The following ITGA2B variants were observed in gnomAD, a reference collection of about 807,000 sequenced individuals.
ITGA2B encodes integrin subunit alpha 2b.
ITGA2B carries 91 observed loss-of-function variants against 142.0 expected under a neutral mutation model. That is an observed-to-expected ratio of 0.64 (90% CI 0.54 to 0.76). The LOEUF is 0.76. Ranked by LOEUF, ITGA2B falls within the 30% of genes least tolerant of loss-of-function variation. ITGA2B has a pLI of 0.00. For synonymous variants in ITGA2B, 536 were observed against 567.2 expected, an observed-to-expected ratio of 0.94 and a Z score of 0.78; for missense variants, 1,231 against 1,350.8, an observed-to-expected ratio of 0.91 and a Z score of 1.39.
At position 44,378,723 on chromosome 17, in the gene ITGA2B, A is replaced by ATTGGGGTGTGCGGGTAAG. The variant is rs2048567730; in HGVS notation, c.1879-31_1879-14dup. 1.3e-6 allele frequency: 2 copies of ATTGGGGTGTGCGGGTAAG among 1,553,748 alleles called. No homozygotes were observed. The highest frequency in any genetic ancestry group is 3.9e-5 in the Admixed American group (2 of 51,142). On this transcript the variant is annotated splice_polypyrimidine_tract_variant and intron_variant, in intron 18 of 29. Coordinates refer to ENST00000262407, the MANE Select transcript of ITGA2B (RefSeq NM_000419.5). Reference sequence around the variant, plus strand: ...GGACGATTCGTGTCTAGAGGGGCACATTGGGGTGTGCGGGTAAGTTGGGGA... The same window carrying ATTGGGGTGTGCGGGTAAG: ...GGACGATTCGTGTCTAGAGGGGCACATTGGGGTGTGCGGGTAAGTTGGGGTGTGCGGGTAAGTTGGGGA...
At chr17:44,376,439 ACTTT>A in intron 22 of ITGA2B, 51 bp from the exon 23 acceptor site, 2 of 1,579,130 alleles carry the variant, frequency 1.3e-6, no homozygotes, top group Non-Finnish European at 8.7e-7. Flanking sequence ...CAGCCCAGTG[ACTTT>A]CTGGGGGTGA....
chr17:44,377,700 G>A lies in ITGA2B; in HGVS notation c.2185C>T (p.Gln729Ter), dbSNP rs1567899968. 6.2e-7 allele frequency: 1 copy of A among 1,612,438 alleles called. No individual in the cohort carries two copies. Among genetic ancestry groups the A allele is most frequent in the Non-Finnish European group, 8.5e-7 (1 of 1,179,182 alleles). The change falls in exon 21 of 30, where the codon CAG (glutamine) becomes TAG (stop). Residue 729 changes from glutamine to a stop codon, truncating the protein, a stop_gained and splice_region_variant. Transcript: ENST00000262407. LOFTEE classifies it high-confidence loss of function. Reference sequence around the variant, plus strand: ...GTACCACGACCCAGCAGCCTCACCTGGGCGTTCTTCTTCATGGGGTTGCCC... The same window carrying A: ...GTACCACGACCCAGCAGCCTCACCTAGGCGTTCTTCTTCATGGGGTTGCCC... Reference protein sequence around the residue: ...ELGNPMKKNAQIGIAMLVSVG... With the variant: ...ELGNPMKKNA
Position 44,379,376 on chromosome 17 carries a change from G to A in ITGA2B, c.1878+313C>T, listed in dbSNP as rs530128137. ...AGTGATTCTCCTGCTTCAGCCTCCC[G>A]AGTAGCTGGAATTACAGGCATGCGT... On this transcript the variant is annotated intron_variant, in intron 18 of 29. Coordinates refer to ENST00000262407, the MANE Select transcript of ITGA2B (RefSeq NM_000419.5). 4.0e-5 allele frequency among the ~76,000 whole-genome samples: 6 copies of A among 151,308 alleles called. No homozygotes were observed. The South Asian group carries it at 1.3e-3, about 32-fold the overall frequency.
chr17:44,388,768 C>G (rs1192078486), intron 1 of ITGA2B, among the ~76,000 whole-genome samples: 1 of 151,616 alleles, frequency 6.6e-6, no homozygotes, highest in Non-Finnish European at 1.5e-5. Flanking sequence ...CTGCCCACCT[C>G]TGCCTCCCAA....
At chr17:44,379,403 A>C (rs1292671876) in intron 18 of ITGA2B, among the ~76,000 whole-genome samples, 2 of 151,814 alleles carry the variant, frequency 1.3e-5, no homozygotes, top group Non-Finnish European at 2.9e-5. Flanking sequence ...GGCATGCGTC[A>C]CCACACCCGG....
In ITGA2B at chr17:44,385,540, C is replaced by G; in HGVS notation, c.574+11G>C. On this transcript the variant is annotated intron_variant, in intron 4 of 29. Coordinates refer to ENST00000262407, the MANE Select transcript of ITGA2B (RefSeq NM_000419.5). ...GCGAGTGGGCGGGGCCAGGTCGTAG[C>G]TGGCGCTTACTAAAATCATTTTCCA... is the stretch of plus-strand genomic sequence containing the variant. The G allele has an allele frequency of 6.4e-7, 1 of 1,552,366 alleles. No homozygotes were observed. The highest frequency in any genetic ancestry group is 8.7e-7 in the Non-Finnish European group (1 of 1,154,560).
chr17:44,385,739 G>A (rs1278375924), intron 3 of ITGA2B, 23 bp from the exon 4 acceptor site: 1 of 1,613,370 alleles, frequency 6.2e-7, no homozygotes, highest in African/African-American at 1.3e-5. Flanking sequence ...CACAGGAGTG[G>A]GGACGGGCGC....
intron 27 of ITGA2B, 22 bp downstream of exon 27, chr17:44,374,976 G>A (rs1168412568): frequency 3.6e-6 from 2 of 549,484 alleles, no homozygotes; most frequent in Admixed American, 3.4e-5. Context: ...GCCCGGCCCC[G>A]CCCCACCACG....
rs780786843 is a variant in ITGA2B at position 44,381,038 on chromosome 17, C to G, written c.1234G>C (p.Gly412Arg). 1.2e-6 allele frequency: 2 copies of G among 1,613,390 alleles called. No individual in the cohort carries two copies. The highest frequency in any genetic ancestry group is 1.7e-6 in the Non-Finnish European group (2 of 1,179,648). Residue 412 changes from glycine (G) to arginine (R), a missense_variant, in exon 13 of 30, where the codon GGG becomes CGG. Around this residue, in one of 3 missense-constraint regions of ITGA2B, gnomAD observed 908 missense variants for 1,021.1 expected, o/e 0.89. Coordinates refer to ENST00000262407, the MANE Select transcript of ITGA2B (RefSeq NM_000419.5). ...ACTTGGCCCCGGCCACTGGGACCCC[C>G]GTAGGGGGCAGCCACTGCAATGTCT... is the stretch of plus-strand genomic sequence containing the variant. ...YNDIAVAAPY[G>R]GPSGRGQVLV... is the part of the protein sequence containing the mutation.
chr17:44,386,614 C>G (rs900799083), intron 1 of ITGA2B, among the ~76,000 whole-genome samples: 1 of 152,084 alleles, frequency 6.6e-6, no homozygotes, highest in Non-Finnish European at 1.5e-5. Flanking sequence ...CCTAGCAGAT[C>G]TAGGTTTAAA....
chr17:44,388,137 C>T (rs189358437), intron 1 of ITGA2B, among the ~76,000 whole-genome samples: 4 of 152,154 alleles, frequency 2.6e-5, no homozygotes, highest in East Asian at 1.9e-4. Context: ...TCAGGGTACA[C>T]GCTATGAAGA....
chr17:44,389,136 C>G (rs757072582), intron 1 of ITGA2B, 150 bp downstream of exon 1: 6 of 916,458 alleles, frequency 6.5e-6, no homozygotes, highest in Non-Finnish European at 1.1e-5. Context: ...CCCCTGGACC[C>G]CAACATTCTT....
intron 17 of ITGA2B, 57 bp from the exon 18 acceptor site, chr17:44,379,871 T>G (rs1341166617): frequency 6.2e-7 from 1 of 1,613,078 alleles, no homozygotes; most frequent in Admixed American, 1.7e-5. Flanking sequence ...CACCTTCTCC[T>G]GGCCAGTAGG....
chr17:44,374,295 A>C (rs2143426538), intron 29 of ITGA2B, 59 bp downstream of exon 29: 1 of 1,467,592 alleles, frequency 6.8e-7, no homozygotes, highest in East Asian at 2.3e-5. Flanking sequence ...ACTCCCTGTG[A>C]GGCAGGGCAG....
chr17:44,373,027 G>A (rs982897763), intron 29 of ITGA2B, among the ~76,000 whole-genome samples: 2 of 152,138 alleles, frequency 1.3e-5, no homozygotes, highest in Admixed American at 6.5e-5. Flanking sequence ...CTACAGGTGT[G>A]GACTACCACA....
intron 27 of ITGA2B, 28 bp from the exon 28 acceptor site, chr17:44,374,788 T>C (rs779136732): frequency 1.3e-6 from 2 of 1,592,474 alleles, no homozygotes; most frequent in Non-Finnish European, 1.7e-6. Flanking sequence ...GAAAGCCGTT[T>C]ACACCCACAA....
intron 12 of ITGA2B, among the ~76,000 whole-genome samples, chr17:44,382,453 A>G (rs2048605293): frequency 1.3e-5 from 2 of 151,840 alleles, no homozygotes; most frequent in African/African-American, 4.8e-5. Context: ...GAATCAATTT[A>G]TGTCACTGTC....
intron 29 of ITGA2B, 41 bp downstream of exon 29, chr17:44,374,313 C>G: frequency 6.4e-7 from 1 of 1,567,398 alleles, no homozygotes; most frequent in Non-Finnish European, 8.8e-7. Context: ...CAGAGCCAAG[C>G]CTGTGCCCCG....
At position 44,380,057 on chromosome 17, in the gene ITGA2B, A is replaced by G; in HGVS notation, c.1697T>C (p.Leu566Pro). The change falls in exon 17 of 30, where the codon CTG (leucine) becomes CCG (proline). Residue 566 changes from leucine (L) to proline (P), a missense_variant. Leu to Pro is a moderately conservative substitution (Grantham distance 98, BLOSUM62 -3). Coordinates refer to ENST00000262407, the MANE Select transcript of ITGA2B (RefSeq NM_000419.5). The stretch of plus-strand genomic sequence containing the variant: ...GGGGCTGTGCTTTCCGCCCAGATCC[A>G]GGTTCAGGGTGGTGCCTGCCTGTTG... ...GSQQAGTTLN[L>P]DLGGKHSPIC... 1 of 1,614,000 alleles carries G rather than the reference A, an allele frequency of 6.2e-7. No individual in the cohort carries two copies. The highest frequency in any genetic ancestry group is 8.5e-7 in the Non-Finnish European group (1 of 1,180,030).
Sources: allele counts gnomAD v4.1 joint callset (sites outside exome capture counted in the v4.1 genomes callset), GRCh38; gene constraint gnomAD v4.1.1; regional missense constraint gnomAD v4.1.1; transcripts MANE v1.5; gene names NCBI Gene and HGNC (gene_info 2026-07-23, HGNC 2026-07-21).